The following CFAP20DC variants were observed in gnomAD, a reference collection of about 807,000 sequenced individuals.
The protein encoded by CFAP20DC is CFAP20 domain containing, also known as protein CFAP20DC.
CFAP20DC carries 84 observed loss-of-function variants against 101.7 expected under a neutral mutation model. That is an observed-to-expected ratio of 0.83 (90% CI 0.69 to 0.99). The LOEUF is 0.99. Among genes scored for constraint, CFAP20DC ranks in the 50% least tolerant of loss-of-function variants. CFAP20DC has a pLI of 0.00. For missense variants in CFAP20DC, 1,007 were observed against 970.3 expected (o/e 1.04, Z -0.50); for synonymous variants, 359 against 351.2 (o/e 1.02, Z -0.25).
At chr3:58,745,931 A>G (rs531224294) in intron 16 of CFAP20DC, among the ~76,000 whole-genome samples, 6 of 152,304 alleles carry the variant, frequency 3.9e-5, no homozygotes, top group Non-Finnish European at 5.9e-5. Flanking sequence ...CATTGTTCCT[A>G]TGAGGACTAA....
Position 58,753,797 on chromosome 3 carries a change from TG to T in CFAP20DC, c.2303del (p.Pro768GlnfsTer7). 1 of 1,612,830 alleles carries T rather than the reference TG, an allele frequency of 6.2e-7. No homozygotes were observed. The highest frequency in any genetic ancestry group is 8.5e-7 in the Non-Finnish European group (1 of 1,179,290). On this transcript the variant is annotated frameshift_variant, in exon 16 of 17. Coordinates refer to ENST00000482387, the MANE Select transcript of CFAP20DC (RefSeq NM_001394063.1). LOFTEE classifies it high-confidence loss of function. ...GAACACTCAAACTTTCACAGGAATCTGGACGCTGCTCAGCCGGCTGTTGACT... is the reference window on the plus strand; with the variant it reads ...GAACACTCAAACTTTCACAGGAATCTGACGCTGCTCAGCCGGCTGTTGACT... Reference protein sequence around the residue: ...PPSQQPAEQRPDSCESLSVQG... With the variant: ...PPSQQPAEQRXDSCESLSVQG...
intron 15 of CFAP20DC, among the ~76,000 whole-genome samples, chr3:58,800,481 G>A (rs958584387): frequency 6.6e-6 from 1 of 152,150 alleles, no homozygotes; most frequent in Non-Finnish European, 1.5e-5. Context: ...AGATGGAGAA[G>A]AGTGAAGAAA....
rs2082316108 is a variant in CFAP20DC at position 58,892,246 on chromosome 3, T to C, written c.551-7537A>G. 2.0e-5 allele frequency among the ~76,000 whole-genome samples: 3 copies of C among 152,232 alleles called. No homozygotes were observed. The South Asian group carries it at 6.2e-4, about 31-fold the overall frequency. On this transcript the variant is annotated intron_variant, in intron 6 of 16. Coordinates refer to ENST00000482387, the MANE Select transcript of CFAP20DC (RefSeq NM_001394063.1). This position sits in a 1 kb window ranked among gnomAD's most constrained non-coding sequence, Gnocchi z 4.0. The stretch of plus-strand genomic sequence containing the variant: ...TTTTGGTTACTGTAGACTTGTAGTA[T>C]ACATTGAAGTTGGATAGCATGATGC...
intron 4 of CFAP20DC, 126 bp downstream of exon 4, chr3:59,039,431 A>G (rs2094158779): frequency 1.7e-6 from 1 of 600,080 alleles, no homozygotes; most frequent in African/African-American, 2.0e-5. Flanking sequence ...CTTGATGTTG[A>G]CTTGATGTAA....
intron 6 of CFAP20DC, among the ~76,000 whole-genome samples, chr3:58,908,865 T>C (rs2083865340): frequency 6.6e-6 from 1 of 152,170 alleles, no homozygotes; most frequent in South Asian, 2.1e-4. Flanking sequence ...GGAGGGACCT[T>C]AAATGCGTAT....
chr3:58,931,787 C>G (rs1158728637), intron 5 of CFAP20DC, among the ~76,000 whole-genome samples: 1 of 152,194 alleles, frequency 6.6e-6, no homozygotes, highest in Non-Finnish European at 1.5e-5. Context: ...TCACCATCAT[C>G]AAAGACCAAA....
Position 58,762,089 on chromosome 3 carries a change from G to C in CFAP20DC, c.2238-8226C>G, listed in dbSNP as rs183882260. Among the ~76,000 whole-genome samples, 326 of 152,078 alleles carry C rather than the reference G, an allele frequency of 2.1e-3. 3 individuals are homozygous for C. The highest frequency in any genetic ancestry group is 7.5e-3 in the African/African-American group (312 of 41,464). On this transcript the variant is annotated intron_variant, in intron 15 of 16. Coordinates refer to ENST00000482387, the MANE Select transcript of CFAP20DC (RefSeq NM_001394063.1). ...AGAGCTGAGTTCAATTCCTGGATATGCTTGTTAACTTTCTGTCTCATGGAT... is the reference window on the plus strand; with the variant it reads ...AGAGCTGAGTTCAATTCCTGGATATCCTTGTTAACTTTCTGTCTCATGGAT...
At chr3:59,042,452 A>T (rs1332400881) in intron 3 of CFAP20DC, among the ~76,000 whole-genome samples, 2 of 152,038 alleles carry the variant, frequency 1.3e-5, no homozygotes, top group Non-Finnish European at 2.9e-5. Context: ...TAAATGCTGT[A>T]GGTAGAGGGT....
chr3:58,741,697 T>C (rs187033025), downstream of CFAP20DC, among the ~76,000 whole-genome samples: 2 of 152,104 alleles, frequency 1.3e-5, no homozygotes, highest in East Asian at 3.9e-4. Flanking sequence ...GGGGTTTCAC[T>C]GTGTTAGCCA....
At chr3:58,764,144 C>G (rs1328194554) in intron 15 of CFAP20DC, among the ~76,000 whole-genome samples, 1 of 152,204 alleles carries the variant, frequency 6.6e-6, no homozygotes, top group African/African-American at 2.4e-5. Context: ...GTGGAGTCTA[C>G]AGAGACAGGC....
In CFAP20DC at chr3:58,820,006, G is replaced by A. The variant is rs1448823918; in HGVS notation, c.2175+11680C>T. Reference sequence around the variant, plus strand: ...GTTCAATATACGCAAATCAATAAATGTAATCCAGCATATAAACAGAGCCAA... The same window carrying A: ...GTTCAATATACGCAAATCAATAAATATAATCCAGCATATAAACAGAGCCAA... On this transcript the variant is annotated intron_variant, in intron 14 of 16. Transcript: ENST00000482387. Among the ~76,000 whole-genome samples, 3 of 143,524 alleles carry A rather than the reference G, an allele frequency of 2.1e-5. No individual in the cohort carries two copies. In the Admixed American group the frequency reaches 2.1e-4, roughly 10 times the overall value. 94.2% of individuals were successfully genotyped at this position (143,524 alleles called of 152,430 possible). A position where few individuals can be genotyped will look rare whatever the true frequency, so the allele number is the denominator to read the frequency against.
At chr3:58,786,646 A>G (rs185125020) in intron 15 of CFAP20DC, among the ~76,000 whole-genome samples, 17 of 151,696 alleles carry the variant, frequency 1.1e-4, no homozygotes, top group Non-Finnish European at 2.1e-4. Context: ...GCTTGTGTTC[A>G]AGTAACTCTT....
intron 4 of CFAP20DC, among the ~76,000 whole-genome samples, chr3:58,950,608 A>G (rs146930552): frequency 0.019 from 2,902 of 152,288 alleles, 101 homozygotes; most frequent in African/African-American, 0.065. Flanking sequence ...ATAACACCGC[A>G]TATCTACAAC....
intron 7 of CFAP20DC, among the ~76,000 whole-genome samples, chr3:58,879,782 C>T (rs1469104980): frequency 6.6e-6 from 1 of 151,958 alleles, no homozygotes; most frequent in Non-Finnish European, 1.5e-5. Flanking sequence ...CCGAGTTCAC[C>T]AGTAGTGAAA....
At chr3:59,019,014 G>C (rs1268962696) in intron 4 of CFAP20DC, 1 of 152,090 alleles carries the variant, frequency 6.6e-6, no homozygotes, top group Non-Finnish European at 1.5e-5. Flanking sequence ...GAATATGCGT[G>C]AAAGGTATAT....
Position 58,742,523 on chromosome 3 carries a change from C to T in CFAP20DC, c.2382G>A (p.Leu794=), listed in dbSNP as rs376533872. 4 of 1,609,574 alleles carry T rather than the reference C, an allele frequency of 2.5e-6. No individual in the cohort carries two copies. Among genetic ancestry groups the T allele is most frequent in the Non-Finnish European group, 3.4e-6 (4 of 1,178,006 alleles). ...VEEDEEVLTL[L]YDPCLNCYFD... ...AGTAACAGTTCAGACAAGGGTCATA[C>T]AACAAAGTCAGTACTTCCTCGTCCT... Residue 794 remains leucine, a synonymous_variant, in exon 17 of 17, where the codon TTG becomes TTA. Transcript: ENST00000482387.
rs1302599645 is a variant in CFAP20DC at position 58,855,891 on chromosome 3, T to G, written c.1594-6482A>C. On this transcript the variant is annotated intron_variant, in intron 12 of 16. Transcript: ENST00000482387. ...GGGAGATATACCTAATGCTAGATGA[T>G]GAGTTAGTGGGTGCAGCGCACCAGC... Among the ~76,000 whole-genome samples, 647 of 148,084 alleles carry G rather than the reference T, an allele frequency of 4.4e-3. 3 individuals are homozygous for G. The highest frequency in any genetic ancestry group is 0.016 in the African/African-American group (632 of 40,316).
chr3:58,905,230 C>A (rs1479795358), intron 6 of CFAP20DC, among the ~76,000 whole-genome samples: 1 of 152,148 alleles, frequency 6.6e-6, no homozygotes, highest in African/African-American at 2.4e-5. Flanking sequence ...GATCTTCTCT[C>A]TTCTCATTTC....
chr3:58,842,452 C>G (rs1299239621), intron 13 of CFAP20DC, among the ~76,000 whole-genome samples: 3 of 152,184 alleles, frequency 2.0e-5, no homozygotes, highest in Non-Finnish European at 1.5e-5. Context: ...TTGCGCTTTT[C>G]AGACCGGCTT....
Sources: gnomAD v4.1 joint callset for allele counts (sites outside exome capture counted in the v4.1 genomes callset) on GRCh38, gnomAD v4.1.1 for gene constraint, Gnocchi (gnomAD v3.1) non-coding constraint, MANE v1.5 for transcripts, NCBI Gene and HGNC (gene_info 2026-07-23, HGNC 2026-07-21) for gene names.